The following TMC3 variants were observed in gnomAD, a reference collection of about 807,000 sequenced individuals.
TMC3 encodes the protein transmembrane channel-like protein 3.
Under a neutral mutation model 110.6 loss-of-function variants are expected in TMC3, and 98 were observed. The ratio of observed to expected loss-of-function variants is 0.89; its 90% CI spans 0.75 to 1.05. TMC3 has a LOEUF of 1.05. Ranked by LOEUF, TMC3 falls within the 50% of genes least tolerant of loss-of-function variation. The probability of loss-of-function intolerance (pLI) is 0.00; values close to 1 mark genes in which losing one functional copy is unlikely to be tolerated. For synonymous variants in TMC3, 489 were observed against 513.1 expected (o/e 0.95, Z 0.63); for missense variants, 1,319 against 1,373.2 (o/e 0.96, Z 0.62).
chr15:81,373,469 G>A (rs150632812), intron 1 of TMC3, among the ~76,000 whole-genome samples: 132 of 152,222 alleles, frequency 8.7e-4, no homozygotes, highest in African/African-American at 2.7e-3. Flanking sequence ...AAAAGATTTC[G>A]TTTGTTATTC....
intron 1 of TMC3, 28 bp downstream of exon 1, chr15:81,373,961 G>A (rs1408134969): frequency 6.2e-7 from 1 of 1,606,210 alleles, no homozygotes; most frequent in Non-Finnish European, 8.5e-7. Context: ...TGACTCCTCT[G>A]CCCAGCTGAT....
In TMC3 at chr15:81,332,142, C is replaced by T. The variant is rs1011401345; in HGVS notation, c.*277G>A. On this transcript the variant is annotated 3_prime_UTR_variant, in exon 22 of 22. Transcript: ENST00000359440. Reference sequence around the variant, plus strand: ...AGCCCCTCTGCCAAATTCTTTCTTCCGAGGAGGCAAGTATTGAGATTGCTG... The same window carrying T: ...AGCCCCTCTGCCAAATTCTTTCTTCTGAGGAGGCAAGTATTGAGATTGCTG... 8.3e-6 allele frequency: 3 copies of T among 361,982 alleles called. No homozygotes were observed. Among genetic ancestry groups the T allele is most frequent in the Non-Finnish European group, 9.9e-6 (2 of 201,450 alleles). The allele number at this position is 361,982 out of a possible 1,614,324, so 22.4% of individuals were successfully genotyped here.
rs1366060645 is a variant in TMC3, at chr15:81,344,847, G to A, written c.1437C>T (p.Thr479=). 6.2e-7 allele frequency: 1 copy of A among 1,613,910 alleles called. No homozygotes were observed. Among genetic ancestry groups the A allele is most frequent in the South Asian group, 1.1e-5 (1 of 91,062 alleles). Residue 479 remains threonine, a synonymous_variant, in exon 13 of 22, where the codon ACC becomes ACT. Transcript: ENST00000359440. ...ALEETSISAY[T]MPLIKANKTS... ...TCTTGTTGGCCTTTATAAGAGGCAT[G>A]GTATAAGCTGAAATGCTGGTCTCTT...
chr15:81,358,017 T>C lies in TMC3; in HGVS notation c.743+132A>G, dbSNP rs577148084. On this transcript the variant is annotated intron_variant, in intron 7 of 21. Coordinates refer to ENST00000359440, the MANE Select transcript of TMC3 (RefSeq NM_001080532.3). Reference sequence around the variant, plus strand: ...AGATTAGATGACATTACACATATCATAACACTTGATATGTATTTTGAGAAA... The same window carrying C: ...AGATTAGATGACATTACACATATCACAACACTTGATATGTATTTTGAGAAA... The C allele has an allele frequency of 6.7e-5, 76 of 1,127,334 alleles. 1 individual carries two copies. In the African/African-American group the frequency reaches 1.1e-3, roughly 16 times the overall value. 69.8% of individuals were successfully genotyped at this position (1,127,334 alleles called of 1,614,324 possible).
In TMC3 at chr15:81,355,649, A is replaced by G. The variant is rs1278629501; in HGVS notation, c.935+76T>C. On this transcript the variant is annotated intron_variant, in intron 9 of 21. Coordinates refer to ENST00000359440, the MANE Select transcript of TMC3 (RefSeq NM_001080532.3). ...TGACAATTATGAAAATAAGATATAG[A>G]TGATCTGGTAGTTTTTGTACCAAAC... 1.7e-5 allele frequency: 16 copies of G among 916,476 alleles called. 1 individual carries two copies. Among genetic ancestry groups the G allele is most frequent in the Non-Finnish European group, 2.7e-5 (15 of 563,956 alleles). 56.8% of individuals were successfully genotyped at this position (916,476 alleles called of 1,614,324 possible). A position where few individuals can be genotyped will look rare whatever the true frequency, so the allele number is the denominator to read the frequency against.
At chr15:81,342,927 C>G (rs1893745121) in intron 15 of TMC3, 1 of 195,674 alleles carries the variant, frequency 5.1e-6, no homozygotes, top group Non-Finnish European at 1.0e-5. Flanking sequence ...GACAGACTGG[C>G]CAAGGTCCCC....
rs144373735 is a variant in TMC3, at chr15:81,345,596, G to A, written c.1273-585C>T. On this transcript the variant is annotated intron_variant, in intron 12 of 21. Coordinates refer to ENST00000359440, the MANE Select transcript of TMC3 (RefSeq NM_001080532.3). ...GTTGAAAGTGGACATCAGGCTGGGC[G>A]TGATGCCTCACACTTGTAATCCCAG... Among the ~76,000 whole-genome samples, 1,156 of 152,254 alleles carry A rather than the reference G, an allele frequency of 7.6e-3. 16 individuals are homozygous for A. Among genetic ancestry groups the A allele is most frequent in the African/African-American group, 0.026 (1,082 of 41,542 alleles).
chr15:81,338,207 A>G (rs751950208), intron 18 of TMC3, among the ~76,000 whole-genome samples: 2 of 152,148 alleles, frequency 1.3e-5, no homozygotes, highest in Non-Finnish European at 2.9e-5. Context: ...AATGGGGGAG[A>G]AATTTTGCAG....
At chr15:81,351,627 C>T in intron 10 of TMC3, 67 bp downstream of exon 10, 4 of 1,530,792 alleles carry the variant, frequency 2.6e-6, no homozygotes, top group South Asian at 1.2e-5. Context: ...GCTGGGATTA[C>T]AGGCATCAGC....
intron 9 of TMC3, among the ~76,000 whole-genome samples, chr15:81,353,429 T>G (rs1893994549): frequency 6.6e-6 from 1 of 152,222 alleles, no homozygotes; most frequent in African/African-American, 2.4e-5. Flanking sequence ...AATCACTCAT[T>G]CATTGACTCA....
chr15:81,355,507 C>G (rs1160011355), intron 9 of TMC3, among the ~76,000 whole-genome samples: 1 of 152,042 alleles, frequency 6.6e-6, no homozygotes. Context: ...AATTTCAGAC[C>G]CTGTGACCCT....
In TMC3 at chr15:81,351,779, C is replaced by G. The variant is rs376427934; in HGVS notation, c.998G>C (p.Ser333Thr). 1 of 1,607,526 alleles carries G rather than the reference C, an allele frequency of 6.2e-7. No homozygotes were observed. Among genetic ancestry groups the G allele is most frequent in the Non-Finnish European group, 8.5e-7 (1 of 1,177,112 alleles). Residue 333 changes from serine to threonine, a missense_variant, in exon 10 of 22, where the codon AGC becomes ACC. Ser to Thr is a moderately conservative substitution (Grantham distance 58). Coordinates refer to ENST00000359440, the MANE Select transcript of TMC3 (RefSeq NM_001080532.3). Reference protein sequence around the residue: ...NILVLLSLAGSIYLIYFVVDR... With the variant: ...NILVLLSLAGTIYLIYFVVDR... ...CACCACAAAGTAGATGAGATAAATG[C>G]TCCCAGCCAGTGAGAGAAGCACCAG...
Position 81,372,576 on chromosome 15 carries a change from C to T in TMC3, c.236+15G>A. ...CATGCTTGTAATGATCAATAATGGC[C>T]ATTGAGGCCCTTACCTCAATGCCCT... On this transcript the variant is annotated intron_variant, in intron 2 of 21. Transcript: ENST00000359440. 1.2e-6 allele frequency: 2 copies of T among 1,612,856 alleles called. No individual in the cohort carries two copies. Among genetic ancestry groups the T allele is most frequent in the South Asian group, 1.1e-5 (1 of 91,016 alleles).
At position 81,332,831 on chromosome 15, in the gene TMC3, A is replaced by C; in HGVS notation, c.2891T>G (p.Ile964Arg). 6.2e-7 allele frequency: 1 copy of C among 1,613,166 alleles called. No individual in the cohort carries two copies. Among genetic ancestry groups the C allele is most frequent in the Non-Finnish European group, 8.5e-7 (1 of 1,179,738 alleles). ...AAAATGAGGAGCCCGACGGAGGTCT[A>C]TCAGGGAGCGTGGGGGAAGAGACCG... ...IKRSLPPRSL[I>R]DLRRAPHFYI... The change falls in exon 22 of 22, where the codon ATA becomes AGA. Residue 964 changes from isoleucine (I) to arginine (R), a missense_variant. Ile to Arg is a moderately conservative substitution (Grantham distance 97). Coordinates refer to ENST00000359440, the MANE Select transcript of TMC3 (RefSeq NM_001080532.3).
intron 13 of TMC3, among the ~76,000 whole-genome samples, chr15:81,344,559 A>G (rs938835464): frequency 1.3e-5 from 2 of 152,218 alleles, no homozygotes; most frequent in East Asian, 1.9e-4. Context: ...AGGACCAAGC[A>G]TTTAGGACAG....
At chr15:81,342,745 C>T (rs1450826611) in intron 15 of TMC3, 1 of 152,364 alleles carries the variant, frequency 6.6e-6, no homozygotes, top group Non-Finnish European at 1.5e-5. Context: ...AAAATCAGCT[C>T]CTCAGTGTCT....
At chr15:81,373,237 T>C (rs1477162767) in intron 1 of TMC3, among the ~76,000 whole-genome samples, 1 of 152,206 alleles carries the variant, frequency 6.6e-6, no homozygotes, top group Non-Finnish European at 1.5e-5. Context: ...CAATTCATTT[T>C]AAGCCTGAGA....
chr15:81,355,733 G>T lies in TMC3; in HGVS notation c.927C>A (p.Ser309Arg). The change falls in exon 9 of 22, where the codon AGC becomes AGA. Residue 309 changes from serine to arginine, a missense_variant. Transcript: ENST00000359440. ...GGAGTAATAATACCTACAGGTTTTT[G>T]CTTTTCTTTTTCTCCTGTTCTTCCA... The part of the protein sequence containing the change: ...AILEEQEKKK[S>R]KNLAVTICLR... The T allele has an allele frequency of 6.3e-7, 1 of 1,597,130 alleles. No homozygotes were observed. The highest frequency in any genetic ancestry group is 8.6e-7 in the Non-Finnish European group (1 of 1,168,392).
chr15:81,345,876 CAAAAA>C (rs1195038127), intron 12 of TMC3, among the ~76,000 whole-genome samples: 2 of 147,016 alleles, frequency 1.4e-5, no homozygotes, highest in South Asian at 4.4e-4. Flanking sequence ...GACCCTGTCT[CAAAAA>C]AGAAAAAAAA....
Sources: gnomAD v4.1 joint callset for allele counts (sites outside exome capture counted in the v4.1 genomes callset) on GRCh38, gnomAD v4.1.1 for gene constraint, MANE v1.5 for transcripts, NCBI Gene and HGNC (gene_info 2026-07-23, HGNC 2026-07-21) for gene names.